The following LOC400499 variants were observed in gnomAD, a reference collection of about 807,000 sequenced individuals.
chr16:11,500,876 G>A, the LOC400499 span: 44 of 399,116 alleles, frequency 1.1e-4, no homozygotes, highest in South Asian at 4.3e-3. Flanking sequence ...CCTCCACCTC[G>A]TCTGCCTCCA....
the LOC400499 span, among the ~76,000 whole-genome samples, chr16:11,470,925 G>A: frequency 3.3e-5 from 5 of 152,208 alleles, no homozygotes; most frequent in African/African-American, 4.8e-5. Flanking sequence ...CAGTGCAAAG[G>A]CCCTGGGGCA....
At chr16:11,439,996 G>A in the LOC400499 span, among the ~76,000 whole-genome samples, 1 of 152,130 alleles carries the variant, frequency 6.6e-6, no homozygotes, top group African/African-American at 2.4e-5. Flanking sequence ...CTGAGGCTCA[G>A]TGGGATTCAG....
the LOC400499 span, chr16:11,516,311 C>T: frequency 7.5e-6 from 3 of 399,280 alleles, no homozygotes; most frequent in Non-Finnish European, 1.3e-5. Flanking sequence ...GGTGGCACTG[C>T]AGGAGGGCGG....
At chr16:11,513,786 A>C in the LOC400499 span, among the ~76,000 whole-genome samples, 1 of 152,128 alleles carries the variant, frequency 6.6e-6, no homozygotes, top group African/African-American at 2.4e-5. Flanking sequence ...TTTGATGAGA[A>C]TTAAATTAAA....
At chr16:11,505,872 C>T in the LOC400499 span, among the ~76,000 whole-genome samples, 3 of 152,042 alleles carry the variant, frequency 2.0e-5, no homozygotes, top group South Asian at 4.1e-4. Flanking sequence ...CTTTTCTTTA[C>T]GTTAGAAACG....
chr16:11,434,136 G>C, the LOC400499 span, among the ~76,000 whole-genome samples: 18 of 152,222 alleles, frequency 1.2e-4, no homozygotes, highest in African/African-American at 4.1e-4. Context: ...TCCAGCTCTG[G>C]AGAGCTCACC....
the LOC400499 span, chr16:11,385,153 G>A: frequency 1.6e-6 from 2 of 1,230,126 alleles, no homozygotes; most frequent in Non-Finnish European, 2.0e-6. Context: ...GACCTGCCAT[G>A]GGCACAGGTC....
the LOC400499 span, among the ~76,000 whole-genome samples, chr16:11,492,559 A>C: frequency 2.6e-5 from 4 of 151,766 alleles, no homozygotes; most frequent in African/African-American, 7.3e-5. Context: ...CCGAGCTGGG[A>C]GGATCATGAG....
chr16:11,444,645 G>T, the LOC400499 span, among the ~76,000 whole-genome samples: 1 of 152,182 alleles, frequency 6.6e-6, no homozygotes, highest in Admixed American at 6.5e-5. Context: ...CTGGATCCTG[G>T]CATGCAATGG....
chr16:11,416,813 G>C, the LOC400499 span, among the ~76,000 whole-genome samples: 2,001 of 152,254 alleles, frequency 0.013, 55 homozygotes, highest in African/African-American at 0.045. Context: ...AGGTCCTGGG[G>C]CCGCAGCAAG....
the LOC400499 span, among the ~76,000 whole-genome samples, chr16:11,373,560 A>G: frequency 6.6e-6 from 1 of 151,810 alleles, no homozygotes; most frequent in African/African-American, 2.4e-5. Flanking sequence ...TTTGACCTCA[A>G]GTGATCCACC....
At chr16:11,487,467 A>G in the LOC400499 span, 4 of 397,864 alleles carry the variant, frequency 1.0e-5, no homozygotes, top group Non-Finnish European at 1.8e-5. Context: ...CCATACCCTG[A>G]GACAGGGCCA....
chr16:11,392,129 G>A, the LOC400499 span: 1 of 399,172 alleles, frequency 2.5e-6, no homozygotes, highest in East Asian at 3.6e-5. Flanking sequence ...AGAGGCTGGG[G>A]CCTCGCAGGA....
At chr16:11,455,414 T>C in the LOC400499 span, among the ~76,000 whole-genome samples, 2 of 151,958 alleles carry the variant, frequency 1.3e-5, no homozygotes, top group African/African-American at 4.8e-5. Flanking sequence ...GCTAAAAGAA[T>C]TTAGCGTGCT....
At chr16:11,471,464 A>T in the LOC400499 span, 2 of 393,572 alleles carry the variant, frequency 5.1e-6, no homozygotes, top group African/African-American at 2.1e-5. Context: ...AGACTGATTC[A>T]GAGTTAATGC....
At chr16:11,516,997 GGGGAGAGGCTTTCT>G in the LOC400499 span, among the ~76,000 whole-genome samples, 2 of 152,122 alleles carry the variant, frequency 1.3e-5, no homozygotes, top group Non-Finnish European at 2.9e-5. Flanking sequence ...CAGCAAATAC[GGGGAGAGGCTTTCT>G]CTGAACTCCC....
At chr16:11,509,120 CTTT>C in the LOC400499 span, among the ~76,000 whole-genome samples, 4 of 130,736 alleles carry the variant, frequency 3.1e-5, no homozygotes, top group Admixed American at 8.1e-5. Flanking sequence ...CCTTTTTTTT[CTTT>C]TTTTTTTTTT....
the LOC400499 span, among the ~76,000 whole-genome samples, chr16:11,381,612 G>A: frequency 7.2e-5 from 11 of 152,166 alleles, no homozygotes; most frequent in South Asian, 4.1e-4. Flanking sequence ...GTAAATGAAC[G>A]TCGGTGGATC....
the LOC400499 span, chr16:11,478,129 A>G: frequency 1.3e-4 from 50 of 386,806 alleles, no homozygotes; most frequent in African/African-American, 9.6e-4. Context: ...CCTGGCCAAC[A>G]TTGGGAAACC....
Sources: gnomAD v4.1 joint callset for allele counts (sites outside exome capture counted in the v4.1 genomes callset) on GRCh38, gnomAD v4.1.1 for gene constraint, MANE v1.5 for transcripts.